RAI14: variants seen among roughly 807,000 people sequenced by gnomAD.
The protein encoded by RAI14 is ankycorbin.
RAI14 carries 45 observed loss-of-function variants against 115.4 expected under a neutral mutation model. That is an observed-to-expected ratio of 0.39 (90% confidence interval 0.31 to 0.50). RAI14 has a LOEUF of 0.50. Ranked by LOEUF, RAI14 falls within the 20% of genes least tolerant of loss-of-function variation. The pLI is 0.85. For synonymous variants in RAI14, 371 were observed against 415.4 expected, an observed-to-expected ratio of 0.89 and a Z score of 1.30; for missense variants, 939 against 1,131.2, an observed-to-expected ratio of 0.83 and a Z score of 2.44.
chr5:34,822,815 C>G, intron 14 of RAI14, 141 bp from the exon 15 acceptor site: 3 of 649,472 alleles, frequency 4.6e-6, no homozygotes, highest in Non-Finnish European at 7.5e-6. Flanking sequence ...TCCCGAGTAG[C>G]TGGGATCACA....
intron 3 of RAI14, among the ~76,000 whole-genome samples, chr5:34,774,539 A>C (rs1357851754): frequency 6.6e-6 from 1 of 152,194 alleles, no homozygotes; most frequent in Non-Finnish European, 1.5e-5. Flanking sequence ...TAAAATACCT[A>C]GAAATAAAGT....
At chr5:34,709,401 T>G (rs1483171253) in intron 2 of RAI14, among the ~76,000 whole-genome samples, 1 of 152,264 alleles carries the variant, frequency 6.6e-6, no homozygotes, top group South Asian at 2.1e-4. Flanking sequence ...TGAGCTGAGA[T>G]CATGCCACTG....
intron 1 of RAI14, among the ~76,000 whole-genome samples, chr5:34,672,603 C>T (rs142308663): frequency 4.1e-4 from 62 of 152,282 alleles, no homozygotes; most frequent in African/African-American, 1.4e-3. Flanking sequence ...TGTTCTGTGA[C>T]AGAAAAATAT....
intron 2 of RAI14, among the ~76,000 whole-genome samples, chr5:34,703,664 C>G (rs1740346217): frequency 6.6e-6 from 1 of 152,132 alleles, no homozygotes; most frequent in Admixed American, 6.5e-5. Flanking sequence ...AATTTTACAA[C>G]AACAACAACA....
At chr5:34,815,793 T>C (rs1310203852) in intron 12 of RAI14, among the ~76,000 whole-genome samples, 1 of 152,198 alleles carries the variant, frequency 6.6e-6, no homozygotes, top group African/African-American at 2.4e-5. Flanking sequence ...AGGGAGCAGA[T>C]TTTAAGTGTT....
intron 1 of RAI14, among the ~76,000 whole-genome samples, chr5:34,681,906 A>G (rs1332968757): frequency 7.3e-6 from 1 of 136,558 alleles, no homozygotes; most frequent in Non-Finnish European, 1.5e-5. Context: ...CCCAGGCTGG[A>G]GTGCAGTGGC....
intron 3 of RAI14, among the ~76,000 whole-genome samples, chr5:34,777,750 G>A (rs1021708903): frequency 1.3e-5 from 2 of 152,124 alleles, no homozygotes; most frequent in African/African-American, 4.8e-5. Context: ...TTGCACTCCA[G>A]CCTGGGCAAC....
intron 2 of RAI14, among the ~76,000 whole-genome samples, chr5:34,690,598 C>A (rs1318904820): frequency 1.3e-5 from 2 of 152,168 alleles, no homozygotes; most frequent in Admixed American, 1.3e-4. Context: ...AGTGTCGTTT[C>A]CGGAAGACTT....
intron 5 of RAI14, among the ~76,000 whole-genome samples, chr5:34,806,639 G>A (rs1400920001): frequency 6.6e-6 from 1 of 152,016 alleles, no homozygotes; most frequent in African/African-American, 2.4e-5. Flanking sequence ...GGATGAGGAG[G>A]AATCAAAGCT....
chr5:34,710,911 C>A (rs918875182), intron 2 of RAI14, among the ~76,000 whole-genome samples: 4 of 152,138 alleles, frequency 2.6e-5, no homozygotes, highest in Admixed American at 2.6e-4. Flanking sequence ...AGAACCTTAT[C>A]TTTTATTTGG....
At chr5:34,694,086 C>G (rs989683289) in intron 2 of RAI14, among the ~76,000 whole-genome samples, 1 of 152,206 alleles carries the variant, frequency 6.6e-6, no homozygotes, top group Non-Finnish European at 1.5e-5. Context: ...CAGTTAAACA[C>G]AATACTTTTC....
At chr5:34,794,793 A>G (rs1753313487) in intron 3 of RAI14, among the ~76,000 whole-genome samples, 1 of 152,330 alleles carries the variant, frequency 6.6e-6, no homozygotes, top group East Asian at 1.9e-4. Context: ...CCAGGTTATT[A>G]AGAGGTCTGG....
intron 1 of RAI14, among the ~76,000 whole-genome samples, chr5:34,671,478 A>G (rs1743616579): frequency 6.6e-6 from 1 of 152,196 alleles, no homozygotes; most frequent in South Asian, 2.1e-4. Flanking sequence ...GGGAGCGTAT[A>G]CATTTTCTGC....
intron 1 of RAI14, among the ~76,000 whole-genome samples, chr5:34,663,315 G>A (rs1361992332): frequency 6.6e-6 from 1 of 152,082 alleles, no homozygotes; most frequent in Non-Finnish European, 1.5e-5. Flanking sequence ...CAGGAGTTAA[G>A]AGACCAGCTT....
chr5:34,812,140 A>G lies in RAI14; in HGVS notation c.737-40A>G, dbSNP rs186305465. 34 of 1,521,678 alleles carry G rather than the reference A, an allele frequency of 2.2e-5. No homozygotes were observed. In the East Asian group the frequency reaches 7.0e-4, roughly 31 times the overall value. 94.3% of individuals were successfully genotyped at this position (1,521,678 alleles called of 1,614,324 possible). Reference sequence around the variant, plus strand: ...CCACCCAAAGTGAATATGAATCATTATGCTTCTTATAGTTCTTTTTTTCAC... The same window carrying G: ...CCACCCAAAGTGAATATGAATCATTGTGCTTCTTATAGTTCTTTTTTTCAC... On this transcript the variant is annotated intron_variant, in intron 9 of 17. Coordinates refer to ENST00000265109, the MANE Select transcript of RAI14 (RefSeq NM_015577.3).
At chr5:34,703,112 G>T (rs140866088) in intron 2 of RAI14, among the ~76,000 whole-genome samples, 1,588 of 152,242 alleles carry the variant, frequency 0.01, 29 homozygotes, top group African/African-American at 0.036. Context: ...CCACAGAGAG[G>T]AAAGTTTTAG....
At chr5:34,685,965 C>T (rs952424411) in intron 1 of RAI14, among the ~76,000 whole-genome samples, 1 of 152,262 alleles carries the variant, frequency 6.6e-6, no homozygotes, top group African/African-American at 2.4e-5. Flanking sequence ...AGAGAGGCCC[C>T]CTGAGGAATG....
At chr5:34,742,486 A>G (rs529215175) in intron 2 of RAI14, among the ~76,000 whole-genome samples, 1 of 152,170 alleles carries the variant, frequency 6.6e-6, no homozygotes, top group Non-Finnish European at 1.5e-5. Context: ...GCCTTGAGCC[A>G]TATTCTTTGA....
intron 2 of RAI14, among the ~76,000 whole-genome samples, chr5:34,693,068 A>G (rs1738827296): frequency 6.6e-6 from 1 of 152,164 alleles, no homozygotes; most frequent in Admixed American, 6.6e-5. Context: ...GTCTGTGCCC[A>G]GATTCCTCCT....
Sources: allele counts gnomAD v4.1 joint callset (sites outside exome capture counted in the v4.1 genomes callset), GRCh38; gene constraint gnomAD v4.1.1; transcripts MANE v1.5; gene names NCBI Gene and HGNC (gene_info 2026-07-23, HGNC 2026-07-21).